Variants in OSBPL10 observed in about 807,000 individuals in gnomAD.
The protein encoded by OSBPL10 is oxysterol binding protein like 10.
In OSBPL10, 49 loss-of-function variants were observed where a neutral mutation model predicts 81.7. That is an observed-to-expected ratio of 0.60 (90% CI 0.48 to 0.76). OSBPL10 has a LOEUF of 0.76. Ranked by LOEUF, OSBPL10 falls within the 30% of genes least tolerant of loss-of-function variation. The pLI, the probability that OSBPL10 is intolerant of heterozygous loss-of-function variation, is 0.00. For missense variants in OSBPL10, 923 were observed against 987.8 expected (o/e 0.93, Z 0.88); for synonymous variants, 419 against 383.6 (o/e 1.09, Z -1.08).
intron 1 of OSBPL10, among the ~76,000 whole-genome samples, chr3:31,968,778 A>G (rs1207278487): frequency 6.6e-6 from 1 of 152,220 alleles, no homozygotes; most frequent in African/African-American, 2.4e-5. Context: ...CAAATTAACT[A>G]AACAACTATA....
At chr3:31,790,392 T>C (rs957473508) in intron 4 of OSBPL10, among the ~76,000 whole-genome samples, 6 of 152,226 alleles carry the variant, frequency 3.9e-5, no homozygotes, top group Non-Finnish European at 8.8e-5. Context: ...GCAGAACCCA[T>C]GAACCCCTGA....
At chr3:31,921,538 A>G (rs1175219364) in intron 1 of OSBPL10, among the ~76,000 whole-genome samples, 1 of 152,224 alleles carries the variant, frequency 6.6e-6, no homozygotes, top group African/African-American at 2.4e-5. Flanking sequence ...TTTGAGCAAC[A>G]AAATAAAGTA....
chr3:31,839,372 T>C (rs1357389688), intron 3 of OSBPL10, among the ~76,000 whole-genome samples: 1 of 152,186 alleles, frequency 6.6e-6, no homozygotes, highest in African/African-American at 2.4e-5. Context: ...TGCCAGGCAC[T>C]GCTCTCAGGA....
chr3:31,978,975 T>C (rs772142090), intron 1 of OSBPL10, among the ~76,000 whole-genome samples: 2 of 152,170 alleles, frequency 1.3e-5, no homozygotes, highest in Non-Finnish European at 2.9e-5. Context: ...AGGTAAAATA[T>C]TGTTCCCCAG....
At chr3:31,769,959 T>G (rs189564647) in intron 4 of OSBPL10, among the ~76,000 whole-genome samples, 1 of 151,996 alleles carries the variant, frequency 6.6e-6, no homozygotes, top group Admixed American at 6.6e-5. Context: ...TTTCAAGGGG[T>G]TTGGGAATAT....
At chr3:31,663,014 T>G (rs749722112) in intron 11 of OSBPL10, 156 of 985,346 alleles carry the variant, frequency 1.6e-4, no homozygotes, top group Non-Finnish European at 1.9e-4. Flanking sequence ...GTCCACAGCC[T>G]GACTCTGGGG....
At chr3:31,762,036 G>C (rs1698061423) in intron 4 of OSBPL10, among the ~76,000 whole-genome samples, 1 of 152,020 alleles carries the variant, frequency 6.6e-6, no homozygotes, top group African/African-American at 2.4e-5. Context: ...TCTCCTAAAA[G>C]ATCCCAGGGA....
At chr3:31,850,049 C>T (rs955632426) in intron 3 of OSBPL10, among the ~76,000 whole-genome samples, 1 of 152,124 alleles carries the variant, frequency 6.6e-6, no homozygotes, top group Non-Finnish European at 1.5e-5. Context: ...CCTGTAATCC[C>T]AGCTACTCGG....
intron 1 of OSBPL10, among the ~76,000 whole-genome samples, chr3:31,951,229 G>C (rs1053218496): frequency 6.6e-6 from 1 of 151,396 alleles, no homozygotes; most frequent in Non-Finnish European, 1.5e-5. Context: ...ATGCACTGAA[G>C]TTAGACACAA....
intron 4 of OSBPL10, among the ~76,000 whole-genome samples, chr3:31,789,646 G>C (rs141162991): frequency 6.6e-6 from 1 of 152,324 alleles, no homozygotes; most frequent in Admixed American, 6.5e-5. Flanking sequence ...CAAGAGCCCA[G>C]GCAGGGGGAG....
At chr3:32,013,010 C>G (rs1420629143) in intron 2 of OSBPL10, among the ~76,000 whole-genome samples, 4 of 152,220 alleles carry the variant, frequency 2.6e-5, no homozygotes, top group African/African-American at 9.6e-5. Context: ...CTTTAACACC[C>G]CACTGTCAAC....
chr3:31,676,384 C>A, intron 8 of OSBPL10, among the ~76,000 whole-genome samples: 1 of 146,898 alleles, frequency 6.8e-6, no homozygotes. Context: ...GGCCTAACAG[C>A]TAAGAGAAGC....
At chr3:31,962,064 C>T (rs1001279466) in intron 1 of OSBPL10, among the ~76,000 whole-genome samples, 4 of 152,126 alleles carry the variant, frequency 2.6e-5, no homozygotes, top group African/African-American at 9.7e-5. Flanking sequence ...AAGCAATTCA[C>T]CTGCCTCAGC....
intron 1 of OSBPL10, among the ~76,000 whole-genome samples, chr3:31,921,560 T>C (rs1036026300): frequency 1.3e-5 from 2 of 152,198 alleles, no homozygotes; most frequent in South Asian, 2.1e-4. Flanking sequence ...CATGGGTCTA[T>C]AATCCAGAGT....
chr3:31,846,761 C>G (rs971264461), intron 3 of OSBPL10, among the ~76,000 whole-genome samples: 2 of 129,382 alleles, frequency 1.5e-5, no homozygotes, highest in Non-Finnish European at 3.6e-5. Flanking sequence ...GGTCTTATCC[C>G]AAATGCCCCT....
At chr3:31,715,870 G>C (rs1016254036) in intron 6 of OSBPL10, among the ~76,000 whole-genome samples, 5 of 152,092 alleles carry the variant, frequency 3.3e-5, no homozygotes, top group Non-Finnish European at 5.9e-5. Flanking sequence ...AAAGAGACAC[G>C]AGACTAAAGT....
chr3:31,933,266 C>T (rs1327788484), intron 1 of OSBPL10, among the ~76,000 whole-genome samples: 1 of 152,130 alleles, frequency 6.6e-6, no homozygotes, highest in African/African-American at 2.4e-5. Flanking sequence ...ATGAGGCCTT[C>T]GGTAAGTTCT....
At chr3:31,799,692 T>A (rs1157216485) in intron 4 of OSBPL10, among the ~76,000 whole-genome samples, 1 of 152,192 alleles carries the variant, frequency 6.6e-6, no homozygotes, top group Non-Finnish European at 1.5e-5. Flanking sequence ...GAACTTAACC[T>A]ATTTGCTTCA....
At chr3:31,770,381 T>A (rs1698344972) in intron 4 of OSBPL10, among the ~76,000 whole-genome samples, 1 of 152,128 alleles carries the variant, frequency 6.6e-6, no homozygotes, top group Admixed American at 6.5e-5. Flanking sequence ...TTATCCTGTG[T>A]GGTCTGTTCT....
Sources: gnomAD v4.1 joint callset for allele counts (sites outside exome capture counted in the v4.1 genomes callset) on GRCh38, gnomAD v4.1.1 for gene constraint, MANE v1.5 for transcripts, NCBI Gene and HGNC (gene_info 2026-07-23, HGNC 2026-07-21) for gene names.